Variants in EMILIN2 observed in about 807,000 individuals in gnomAD.
EMILIN2 encodes elastin microfibril interfacer 2, also known as EMILIN-2.
A neutral mutation model predicts 87.1 loss-of-function variants in EMILIN2; 71 were observed. The observed-to-expected ratio is 0.82, with a 90% CI of 0.67 to 0.99. The LOEUF is 0.99. Ranked by LOEUF, EMILIN2 falls within the 50% of genes least tolerant of loss-of-function variation. The pLI is 0.00. For missense variants in EMILIN2, 1,407 were observed against 1,371.8 expected (o/e 1.03, Z -0.40); for synonymous variants, 581 against 563.4 (o/e 1.03, Z -0.44).
chr18:2,858,583 G>GTGTGTGTGTGTGTGTGTGTGTATATATA (rs1180735843), intron 2 of EMILIN2, among the ~76,000 whole-genome samples: 1 of 63,060 alleles, frequency 1.6e-5, no homozygotes. Flanking sequence ...GTGTGTGTGT[G>GTGTGTGTGTGTGTGTGTGTGTATATATA]TATATATATA....
chr18:2,875,041 C>T (rs1403548046), intron 2 of EMILIN2, among the ~76,000 whole-genome samples: 1 of 152,136 alleles, frequency 6.6e-6, no homozygotes, highest in Non-Finnish European at 1.5e-5. Flanking sequence ...TGAAGTGTGG[C>T]TGGAGGATGT....
intron 7 of EMILIN2, among the ~76,000 whole-genome samples, chr18:2,910,811 GT>G (rs1463125375): frequency 6.6e-6 from 1 of 152,210 alleles, no homozygotes; most frequent in East Asian, 1.9e-4. Flanking sequence ...GCTCTTAACT[GT>G]TATGTTAGCA....
intron 2 of EMILIN2, among the ~76,000 whole-genome samples, chr18:2,853,665 C>T (rs904382421): frequency 1.3e-5 from 2 of 152,210 alleles, no homozygotes; most frequent in Admixed American, 1.3e-4. Context: ...GCAGAGCCTG[C>T]CTTCAAACCC....
At chr18:2,875,090 T>C (rs1347594786) in intron 2 of EMILIN2, among the ~76,000 whole-genome samples, 1 of 152,144 alleles carries the variant, frequency 6.6e-6, no homozygotes, top group Non-Finnish European at 1.5e-5. Context: ...ACCAAAGTCC[T>C]TGAAGAGGGA....
At position 2,865,686 on chromosome 18, in the gene EMILIN2, G is replaced by A. The variant is rs963460611; in HGVS notation, c.257+17755G>A. ...ACCCACTTGAGGAGGCAGTCTGTCC[G>A]TTCTCAGATCTCCAGCTGTGTGCTG... On this transcript the variant is annotated intron_variant, in intron 2 of 7. Coordinates refer to ENST00000254528, the MANE Select transcript of EMILIN2 (RefSeq NM_032048.3). 1.4e-4 allele frequency among the ~76,000 whole-genome samples: 22 copies of A among 152,162 alleles called. No homozygotes were observed. The East Asian group carries it at 2.5e-3, about 17-fold the overall frequency.
In EMILIN2 at chr18:2,880,380, C is replaced by T. The variant is rs370666914; in HGVS notation, c.258-4584C>T. 4.6e-5 allele frequency among the ~76,000 whole-genome samples: 7 copies of T among 152,152 alleles called. No homozygotes were observed. The East Asian group carries it at 7.7e-4, about 17-fold the overall frequency. On this transcript the variant is annotated intron_variant, in intron 2 of 7. Coordinates refer to ENST00000254528, the MANE Select transcript of EMILIN2 (RefSeq NM_032048.3). This position sits in a 1 kb window ranked among gnomAD's most constrained non-coding sequence, Gnocchi z 4.1. ...AATGGGAAACCCTTGTTTTCACCTC[C>T]GAAAAGGGTTTTAGAGGAAGAGGCG...
Position 2,892,212 on chromosome 18 carries a change from C to A in EMILIN2, c.2085C>A (p.Val695=), listed in dbSNP as rs1381343634. 4 of 1,608,642 alleles carry A rather than the reference C, an allele frequency of 2.5e-6. No homozygotes were observed. The highest frequency in any genetic ancestry group is 2.2e-5 in the South Asian group (2 of 90,636). The part of the protein sequence containing the change: ...LDACKECTQG[V]QREVSMVEGR... ...CTTGTAAGGAATGCACGCAGGGGGT[C>A]CAGAGGGAGGTCTCCATGGTGGAGG... The change falls in exon 4 of 8, where the codon GTC becomes GTA. Residue 695 remains valine (V), a synonymous_variant. Transcript: ENST00000254528.
chr18:2,882,313 C>G (rs2076780938), intron 2 of EMILIN2, among the ~76,000 whole-genome samples: 1 of 152,216 alleles, frequency 6.6e-6, no homozygotes, highest in African/African-American at 2.4e-5. Context: ...AAAAGGCTCT[C>G]TGGAGCTTTC....
In EMILIN2 at chr18:2,909,689, A is replaced by G. The variant is rs1192681385; in HGVS notation, c.2696-2A>G. On this transcript the variant is annotated splice_acceptor_variant, in intron 6 of 7. Transcript: ENST00000254528. LOFTEE classifies it high-confidence loss of function. ...ATCCATTCCATCCTTTCTCTGCTCC[A>G]GGAGCTCCGGTGCCTTCTCTGGTGT... is the stretch of plus-strand genomic sequence containing the variant. 1 of 1,613,756 alleles carries G rather than the reference A, an allele frequency of 6.2e-7. No homozygotes were observed. The highest frequency in any genetic ancestry group is 2.2e-5 in the East Asian group (1 of 44,798).
Position 2,892,485 on chromosome 18 carries a change from A to G in EMILIN2, c.2358A>G (p.Ala786=). Residue 786 remains alanine (A), a splice_region_variant and synonymous_variant, in exon 4 of 8, where the codon GCA becomes GCG. Transcript: ENST00000254528. ...LQDLVKFQPS[A]KAPSPPPPAE... is the part of the protein sequence containing the mutation. ...ATCTGGTCAAATTTCAGCCATCAGC[A>G]AGTAAGTTGAATATTACAATTCTAT... 6.3e-7 allele frequency: 1 copy of G among 1,584,728 alleles called. No homozygotes were observed. Among genetic ancestry groups the G allele is most frequent in the Non-Finnish European group, 8.6e-7 (1 of 1,162,484 alleles).
Position 2,847,114 on chromosome 18 carries a change from G to C in EMILIN2, c.-75G>C, listed in dbSNP as rs1157674351. On this transcript the variant is annotated 5_prime_UTR_variant, in exon 1 of 8. Transcript: ENST00000254528. The surrounding 1 kb of genome is among the most constrained non-coding windows in gnomAD (Gnocchi z 4.5). The stretch of plus-strand genomic sequence containing the variant: ...CTTCGCGGGCGGCGCCCTGGCCGCC[G>C]GCAGCCTTGTGGCCGGTGCCCCGAT... 3.7e-6 allele frequency: 4 copies of C among 1,074,284 alleles called. No homozygotes were observed. Among genetic ancestry groups the C allele is most frequent in the Admixed American group, 5.0e-5 (1 of 20,068 alleles). 66.5% of individuals were successfully genotyped at this position (1,074,284 alleles called of 1,614,324 possible).
intron 3 of EMILIN2, 52 bp downstream of exon 3, chr18:2,885,191 C>G (rs754271436): frequency 6.0e-6 from 9 of 1,496,290 alleles, no homozygotes; most frequent in Non-Finnish European, 8.1e-6. Context: ...ATTTCCGGTG[C>G]TCCTTCAAAC....
chr18:2,861,782 A>T (rs2076662427), intron 2 of EMILIN2, among the ~76,000 whole-genome samples: 1 of 152,200 alleles, frequency 6.6e-6, no homozygotes, highest in Admixed American at 6.5e-5. Flanking sequence ...AGTCATTGGT[A>T]GCTTGATGGG....
At chr18:2,904,443 T>C (rs1242856259) in intron 4 of EMILIN2, among the ~76,000 whole-genome samples, 1 of 152,242 alleles carries the variant, frequency 6.6e-6, no homozygotes, top group Non-Finnish European at 1.5e-5. Flanking sequence ...AGGTTGACCC[T>C]TTAATTTTCT....
chr18:2,854,254 T>C (rs1423228786), intron 2 of EMILIN2, among the ~76,000 whole-genome samples: 1 of 152,094 alleles, frequency 6.6e-6, no homozygotes, highest in Non-Finnish European at 1.5e-5. Context: ...TTTTTCCTAT[T>C]AGCTCTTTTT....
At chr18:2,857,598 G>C (rs558577585) in intron 2 of EMILIN2, among the ~76,000 whole-genome samples, 1 of 152,202 alleles carries the variant, frequency 6.6e-6, no homozygotes, top group South Asian at 2.1e-4. Flanking sequence ...AACTCAGGGC[G>C]TGGGACGAGT....
At position 2,890,462 on chromosome 18, in the gene EMILIN2, G is replaced by GCC; in HGVS notation, c.434-99_434-98insCC. ...AATTGTGTAGTGACCTGTAAGTGAA[G>GCC]ATGTACATGTATTTTGTAGGTACCT... On this transcript the variant is annotated intron_variant, in intron 3 of 7. Transcript: ENST00000254528. This position sits in a 1 kb window ranked among gnomAD's most constrained non-coding sequence, Gnocchi z 4.7. The GCC allele has an allele frequency of 7.2e-7, 1 of 1,381,572 alleles. No individual in the cohort carries two copies. The highest frequency in any genetic ancestry group is 2.3e-5 in the East Asian group (1 of 43,202). 85.6% of individuals were successfully genotyped at this position (1,381,572 alleles called of 1,614,324 possible). A position where few individuals can be genotyped will look rare whatever the true frequency, so the allele number is the denominator to read the frequency against.
chr18:2,847,732 C>G lies in EMILIN2; in HGVS notation c.135-77C>G, dbSNP rs2289687. 0.43 allele frequency: 658,548 copies of G among 1,539,636 alleles called. 143,687 individuals are homozygous for G. Among genetic ancestry groups the G allele is most frequent in the East Asian group, 0.49 (20,807 of 42,290 alleles). On this transcript the variant is annotated intron_variant, in intron 1 of 7. Coordinates refer to ENST00000254528, the MANE Select transcript of EMILIN2 (RefSeq NM_032048.3). The surrounding 1 kb of genome is among the most constrained non-coding windows in gnomAD (Gnocchi z 4.5). ...CCCCGACCCTCGCTCGGTCTGGTGC[C>G]GCAGTCCCCTCTCCCCTGGCCTCAT...
chr18:2,877,071 G>T (rs2076752678), intron 2 of EMILIN2, among the ~76,000 whole-genome samples: 1 of 152,200 alleles, frequency 6.6e-6, no homozygotes, highest in African/African-American at 2.4e-5. Flanking sequence ...AGGTCCTTTG[G>T]TTCCTTGACT....
Sources: allele counts gnomAD v4.1 joint callset (sites outside exome capture counted in the v4.1 genomes callset), GRCh38; gene constraint gnomAD v4.1.1; non-coding constraint Gnocchi (gnomAD v3.1); transcripts MANE v1.5; gene names NCBI Gene and HGNC (gene_info 2026-07-23, HGNC 2026-07-21).